RIMS2: variants seen among roughly 807,000 people sequenced by gnomAD.
The protein encoded by RIMS2 is regulating synaptic membrane exocytosis protein 2.
Under a neutral mutation model 174.4 loss-of-function variants are expected in RIMS2, and 59 were observed. That is an observed-to-expected ratio of 0.34 (90% confidence interval 0.27 to 0.42). The LOEUF (loss-of-function observed/expected upper bound fraction) is 0.42. RIMS2 is among the 10% of genes least tolerant of loss of function. The pLI is 1.00. For missense variants in RIMS2, 1,620 were observed against 1,666.3 expected (o/e 0.97, Z 0.48); for synonymous variants, 606 against 572.5 (o/e 1.06, Z -0.84).
At chr8:103,533,528 A>C (rs1181210459) in intron 1 of RIMS2, among the ~76,000 whole-genome samples, 3 of 151,894 alleles carry the variant, frequency 2.0e-5, no homozygotes, top group South Asian at 4.1e-4. Flanking sequence ...GGAATCTGCT[A>C]AGATGTGTTA....
chr8:104,113,635 T>C (rs1322565504), intron 19 of RIMS2, among the ~76,000 whole-genome samples: 1 of 151,990 alleles, frequency 6.6e-6, no homozygotes, highest in Non-Finnish European at 1.5e-5. Context: ...TAGTTATGCT[T>C]TAACCCACTG....
intron 17 of RIMS2, among the ~76,000 whole-genome samples, chr8:104,010,927 C>T (rs1012858301): frequency 3.3e-5 from 5 of 152,066 alleles, no homozygotes; most frequent in African/African-American, 1.2e-4. Flanking sequence ...AAGTTAAGAA[C>T]CCCAAGTGGG....
chr8:104,230,105 CCCTG>C (rs1366496218), intron 19 of RIMS2, among the ~76,000 whole-genome samples: 1 of 151,548 alleles, frequency 6.6e-6, no homozygotes, highest in Non-Finnish European at 1.5e-5. Context: ...CATGGAGAAA[CCCTG>C]TCTCTACTAA....
At chr8:104,177,426 T>G (rs982488148) in intron 19 of RIMS2, among the ~76,000 whole-genome samples, 1 of 152,176 alleles carries the variant, frequency 6.6e-6, no homozygotes, top group African/African-American at 2.4e-5. Context: ...TACTTTTTAC[T>G]GAACTGAGCT....
intron 19 of RIMS2, among the ~76,000 whole-genome samples, chr8:104,145,766 G>A (rs1204834923): frequency 6.6e-6 from 1 of 151,816 alleles, no homozygotes; most frequent in Admixed American, 6.6e-5. Context: ...GTGAGGCTGC[G>A]ACAGGAGAAT....
intron 3 of RIMS2, among the ~76,000 whole-genome samples, chr8:103,842,784 C>A (rs764365782): frequency 1.3e-5 from 2 of 152,212 alleles, no homozygotes; most frequent in Non-Finnish European, 2.9e-5. Context: ...TTTGCTAGGG[C>A]TGCCACAACA....
rs919572184 is a variant in RIMS2, at chr8:103,535,529, C to T, written c.176+34467C>T. Among the ~76,000 whole-genome samples, 5 of 152,176 alleles carry T rather than the reference C, an allele frequency of 3.3e-5. 1 individual carries two copies. Among genetic ancestry groups the T allele is most frequent in the South Asian group, 4.1e-4 (2 of 4,824 alleles). On this transcript the variant is annotated intron_variant, in intron 1 of 23. Coordinates refer to ENST00000504942, the Ensembl canonical transcript of RIMS2. The stretch of plus-strand genomic sequence containing the variant: ...AGCTAGAAGAACTGATTTGAATGCC[C>T]GCAGAGCTTTGCCAGAATTCAACGT...
chr8:103,629,188 C>T (rs1296802862), intron 1 of RIMS2, among the ~76,000 whole-genome samples: 1 of 152,196 alleles, frequency 6.6e-6, no homozygotes, highest in Non-Finnish European at 1.5e-5. Flanking sequence ...CCCTCTCCTC[C>T]ATCCCCATGA....
At chr8:103,740,728 C>T (rs554360275) in intron 2 of RIMS2, among the ~76,000 whole-genome samples, 257 of 152,228 alleles carry the variant, frequency 1.7e-3, no homozygotes, top group Non-Finnish European at 2.7e-3. Context: ...GTTATCAATA[C>T]GACCTTTTAC....
At chr8:104,181,578 A>T (rs757312626) in intron 19 of RIMS2, among the ~76,000 whole-genome samples, 1 of 151,652 alleles carries the variant, frequency 6.6e-6, no homozygotes, top group Non-Finnish European at 1.5e-5. Context: ...AAATTATGTC[A>T]AGATAACAAA....
intron 14 of RIMS2, among the ~76,000 whole-genome samples, chr8:103,954,239 C>T (rs187879727): frequency 3.8e-4 from 58 of 152,228 alleles, no homozygotes; most frequent in African/African-American, 1.4e-3. Context: ...GAACCCAACT[C>T]TGACCAAGCG....
At chr8:104,072,653 G>A (rs1387721135) in intron 19 of RIMS2, among the ~76,000 whole-genome samples, 1 of 151,904 alleles carries the variant, frequency 6.6e-6, no homozygotes, top group Admixed American at 6.6e-5. Context: ...TGTTAGCCTA[G>A]GTTTTTTTTT....
intron 14 of RIMS2, among the ~76,000 whole-genome samples, chr8:103,944,059 C>T (rs1595588478): frequency 6.6e-6 from 1 of 152,130 alleles, no homozygotes; most frequent in African/African-American, 2.4e-5. Context: ...ACTTAGTAGT[C>T]ATAGGAAAGC....
intron 19 of RIMS2, among the ~76,000 whole-genome samples, chr8:104,244,389 A>G (rs1443731547): frequency 3.3e-5 from 5 of 150,984 alleles, no homozygotes; most frequent in Non-Finnish European, 5.9e-5. Flanking sequence ...TCCTTCTAAT[A>G]TCTATCACCC....
intron 19 of RIMS2, among the ~76,000 whole-genome samples, chr8:104,168,608 A>G (rs1244718760): frequency 6.6e-6 from 1 of 152,054 alleles, no homozygotes. Flanking sequence ...TATCAGCGAC[A>G]GTTTGACTTC....
chr8:104,102,855 AG>A (rs2097932508), intron 19 of RIMS2, among the ~76,000 whole-genome samples: 1 of 152,184 alleles, frequency 6.6e-6, no homozygotes, highest in South Asian at 2.1e-4. Flanking sequence ...GGATTATGGG[AG>A]CTATGATTCA....
At chr8:103,752,656 G>A (rs377642614) in intron 2 of RIMS2, among the ~76,000 whole-genome samples, 137 of 152,278 alleles carry the variant, frequency 9.0e-4, no homozygotes, top group African/African-American at 3.2e-3. Context: ...CATGTCCCTT[G>A]TAAGGTGGAT....
chr8:104,026,052 C>T (rs1012636039), intron 19 of RIMS2, among the ~76,000 whole-genome samples: 1 of 152,062 alleles, frequency 6.6e-6, no homozygotes, highest in Non-Finnish European at 1.5e-5. Context: ...AGAACATATC[C>T]CTGTCGTTGA....
chr8:104,130,176 T>C (rs1284058092), intron 19 of RIMS2, among the ~76,000 whole-genome samples: 1 of 152,156 alleles, frequency 6.6e-6, no homozygotes, highest in Non-Finnish European at 1.5e-5. Context: ...GGGCAAACAA[T>C]TGCAATAGAA....
Sources: allele counts gnomAD v4.1 joint callset (sites outside exome capture counted in the v4.1 genomes callset), GRCh38; gene constraint gnomAD v4.1.1; transcripts MANE v1.5; gene names NCBI Gene and HGNC (gene_info 2026-07-23, HGNC 2026-07-21).